Variants in FAM83G observed in about 807,000 individuals in gnomAD.
The protein encoded by FAM83G is protein FAM83G.
Under a neutral mutation model 61.5 loss-of-function variants are expected in FAM83G, and 38 were observed. That is an observed-to-expected ratio of 0.62 (90% CI 0.48 to 0.81). FAM83G has a LOEUF of 0.81. Among genes scored for constraint, FAM83G ranks in the 30% least tolerant of loss-of-function variants. The pLI, the probability that FAM83G is intolerant of heterozygous loss-of-function variation, is 0.00. For synonymous variants in FAM83G, 470 were observed against 476.1 expected (o/e 0.99, Z 0.17); for missense variants, 989 against 1,133.6 (o/e 0.87, Z 1.83).
At chr17:18,982,598 CG>C (rs1419296448) in intron 3 of FAM83G, among the ~76,000 whole-genome samples, 1 of 152,140 alleles carries the variant, frequency 6.6e-6, no homozygotes, top group Admixed American at 6.5e-5. Flanking sequence ...GGAGGACGGC[CG>C]GGTGGTGCTT....
intron 2 of FAM83G, among the ~76,000 whole-genome samples, chr17:18,992,875 C>T (rs562419317): frequency 6.6e-6 from 1 of 152,250 alleles, no homozygotes; most frequent in South Asian, 2.1e-4. Context: ...TGCTGGTGGC[C>T]GCCCTCTCCC....
At chr17:18,977,526 C>G in intron 5 of FAM83G, 58 bp downstream of exon 5, 1 of 1,527,020 alleles carries the variant, frequency 6.5e-7, no homozygotes, top group Non-Finnish European at 8.9e-7. Context: ...AGCTCGAGCT[C>G]TTGGGTGGCT....
At position 18,969,126 on chromosome 17, in the gene FAM83G, G is replaced by A. The variant is rs144232155; in HGVS notation, c.*2233C>T. ...ACTTCTACCTCTCCACCATCCTCAC[G>A]CTCGGCATCACAGCCCTGTACACCA... On this transcript the variant is annotated 3_prime_UTR_variant, in exon 6 of 6. Coordinates refer to ENST00000388995, the MANE Select transcript of FAM83G (RefSeq NM_001039999.3). 7 of 1,613,972 alleles carry A rather than the reference G, an allele frequency of 4.3e-6. No homozygotes were observed. The highest frequency in any genetic ancestry group is 1.7e-5 in the Admixed American group (1 of 60,004).
At chr17:19,002,713 G>A (rs1471879465) in intron 2 of FAM83G, among the ~76,000 whole-genome samples, 1 of 152,216 alleles carries the variant, frequency 6.6e-6, no homozygotes. Context: ...GTCCAGCAGT[G>A]GCCTAGCTGT....
At chr17:19,001,474 G>A (rs1275056064) in intron 2 of FAM83G, among the ~76,000 whole-genome samples, 1 of 152,184 alleles carries the variant, frequency 6.6e-6, no homozygotes, top group Non-Finnish European at 1.5e-5. Flanking sequence ...AGAAAGCAGG[G>A]CCCACCTGTC....
At chr17:18,976,997 G>A (rs746598709) in intron 5 of FAM83G, 47 of 1,610,982 alleles carry the variant, frequency 2.9e-5, no homozygotes, top group Non-Finnish European at 3.3e-5. Flanking sequence ...CAGGTAGGAC[G>A]GGCTCCGGGC....
chr17:18,969,068 G>A lies in FAM83G; in HGVS notation c.*2291C>T, dbSNP rs1241588874. ...CCTCCGCAGCTGGACCTGTACGCGG[G>A]GGCTCTGTTTGTGCACATCTGCCTG... On this transcript the variant is annotated 3_prime_UTR_variant, in exon 6 of 6. Coordinates refer to ENST00000388995, the MANE Select transcript of FAM83G (RefSeq NM_001039999.3). The A allele has an allele frequency of 6.2e-7, 1 of 1,613,742 alleles. No individual in the cohort carries two copies. The highest frequency in any genetic ancestry group is 8.5e-7 in the Non-Finnish European group (1 of 1,179,926).
rs957039929 is a variant in FAM83G, at chr17:18,984,159, G to A, written c.690+4088C>T. 1.8e-4 allele frequency among the ~76,000 whole-genome samples: 28 copies of A among 151,954 alleles called. No individual in the cohort carries two copies. The East Asian group carries it at 3.9e-3, about 21-fold the overall frequency. On this transcript the variant is annotated intron_variant, in intron 3 of 5. Coordinates refer to ENST00000388995, the MANE Select transcript of FAM83G (RefSeq NM_001039999.3). ...AGATCGAGACCATCCTGGCTAACACGGTGAAACCCCATCTCTACTAAAAAT... is the reference window on the plus strand; with the variant it reads ...AGATCGAGACCATCCTGGCTAACACAGTGAAACCCCATCTCTACTAAAAAT...
At chr17:18,991,140 T>C (rs1173081104) in intron 2 of FAM83G, among the ~76,000 whole-genome samples, 2 of 152,222 alleles carry the variant, frequency 1.3e-5, no homozygotes, top group African/African-American at 2.4e-5. Flanking sequence ...CCACCTTGCC[T>C]AATTCTGTTG....
intron 2 of FAM83G, among the ~76,000 whole-genome samples, chr17:18,989,915 C>T (rs1597871937): frequency 6.6e-6 from 1 of 152,224 alleles, no homozygotes; most frequent in African/African-American, 2.4e-5. Flanking sequence ...TTCTCTTGGA[C>T]GTTTAGTCTC....
intron 3 of FAM83G, among the ~76,000 whole-genome samples, chr17:18,982,181 C>T (rs1355536848): frequency 1.3e-5 from 2 of 152,232 alleles, no homozygotes; most frequent in Non-Finnish European, 2.9e-5. Flanking sequence ...AAGCAAGTCC[C>T]GGGCCCTTGC....
rs1486389010 is a variant in FAM83G at position 18,973,889 on chromosome 17, T to G, written c.2083-2141A>C. Among the ~76,000 whole-genome samples, 35 of 117,856 alleles carry G rather than the reference T, an allele frequency of 3.0e-4. 1 individual carries two copies. The East Asian group carries it at 4.7e-3, about 16-fold the overall frequency. 77.3% of individuals were successfully genotyped at this position (117,856 alleles called of 152,430 possible). ...ATTTTTGTATTTTTTTTTAAGTTTT[T>G]TTTTTTTTTTTTTTTTTCCCAGAGA... On this transcript the variant is annotated intron_variant, in intron 5 of 5. Transcript: ENST00000388995.
intron 2 of FAM83G, among the ~76,000 whole-genome samples, chr17:18,994,069 C>T (rs566857175): frequency 2.6e-5 from 4 of 152,178 alleles, no homozygotes; most frequent in Non-Finnish European, 5.9e-5. Flanking sequence ...CTGTAAGTGA[C>T]GCATCAGGGC....
At chr17:18,986,463 T>C (rs1312498950) in intron 3 of FAM83G, 1 of 152,228 alleles carries the variant, frequency 6.6e-6, no homozygotes, top group African/African-American at 2.4e-5. Context: ...GGAATTGCTT[T>C]GGGCAAGGCA....
At chr17:18,987,946 T>C (rs540714315) in intron 3 of FAM83G, among the ~76,000 whole-genome samples, 3 of 152,368 alleles carry the variant, frequency 2.0e-5, no homozygotes, top group South Asian at 2.1e-4. Flanking sequence ...AGATAACCGA[T>C]GTGGCATGGG....
At chr17:18,979,709 G>T in intron 3 of FAM83G, 36 bp from the exon 4 acceptor site, 3 of 1,610,696 alleles carry the variant, frequency 1.9e-6, no homozygotes, top group Non-Finnish European at 2.5e-6. Flanking sequence ...TTACACGACT[G>T]CAACCCTGAC....
At position 18,978,699 on chromosome 17, in the gene FAM83G, G is replaced by C. The variant is rs768473258; in HGVS notation, c.967C>G (p.Pro323Ala). ...KGIPMEKEPEPEPIVLPSVVP... is the reference protein window; with the variant it reads ...KGIPMEKEPEAEPIVLPSVVP... ...ACAGAGGGCAGCACAATAGGCTCCG[G>C]CTCCGGTTCCTTCTCCATAGGGATG... The change falls in exon 5 of 6, where the codon CCG becomes GCG. Residue 323 changes from proline to alanine, a missense_variant. Transcript: ENST00000388995. 6.2e-7 allele frequency: 1 copy of C among 1,612,872 alleles called. No individual in the cohort carries two copies. The highest frequency in any genetic ancestry group is 1.3e-5 in the African/African-American group (1 of 74,910).
chr17:18,991,055 C>CTTT (rs2043409846), intron 2 of FAM83G, among the ~76,000 whole-genome samples: 3 of 152,120 alleles, frequency 2.0e-5, no homozygotes, highest in Non-Finnish European at 4.4e-5. Context: ...TTGTTCAGGC[C>CTTT]TCACAAGCAC....
Position 18,988,303 on chromosome 17 carries a change from C to T in FAM83G, c.634G>A (p.Val212Ile), listed in dbSNP as rs567618459. The T allele has an allele frequency of 8.1e-6, 13 of 1,614,212 alleles. No homozygotes were observed. The highest frequency in any genetic ancestry group is 4.4e-5 in the South Asian group (4 of 91,082). Reference sequence around the variant, plus strand: ...TCACACATGTGCAGGAAGTACTTGACGTTACTCTCATCCACGATGATGTAC... The same window carrying T: ...TCACACATGTGCAGGAAGTACTTGATGTTACTCTCATCCACGATGATGTAC... ...AVYIIVDESN[V>I]KYFLHMCERA... is the part of the protein sequence containing the mutation. Residue 212 changes from valine (V) to isoleucine (I), a missense_variant, in exon 3 of 6, where the codon GTC becomes ATC. Physicochemically the swap from Val to Ile is conservative, Grantham distance 29. Transcript: ENST00000388995.
Sources: gnomAD v4.1 joint callset for allele counts (sites outside exome capture counted in the v4.1 genomes callset) on GRCh38, gnomAD v4.1.1 for gene constraint, MANE v1.5 for transcripts, NCBI Gene and HGNC (gene_info 2026-07-23, HGNC 2026-07-21) for gene names.